The following CYRIA variants were observed in gnomAD, a reference collection of about 807,000 sequenced individuals.
CYRIA encodes the protein CYFIP-related Rac1 interactor A.
In CYRIA, 15 loss-of-function variants were observed where a neutral mutation model predicts 43.9. The ratio of observed to expected loss-of-function variants is 0.34; its 90% CI spans 0.23 to 0.53. CYRIA has a LOEUF of 0.53. Ranked by LOEUF, CYRIA falls within the 20% of genes least tolerant of loss-of-function variation. The probability of loss-of-function intolerance (pLI) is 0.94; values close to 1 mark genes in which losing one functional copy is unlikely to be tolerated. For synonymous variants in CYRIA, 117 were observed against 136.0 expected, an observed-to-expected ratio of 0.86 and a Z score of 0.97; for missense variants, 236 against 394.2, an observed-to-expected ratio of 0.60 and a Z score of 3.40.
At chr2:16,643,021 T>C (rs1302076645) in intron 1 of CYRIA, among the ~76,000 whole-genome samples, 1 of 148,904 alleles carries the variant, frequency 6.7e-6, no homozygotes, top group East Asian at 1.9e-4. Context: ...TAGTATACTA[T>C]ATATAATAAT....
chr2:16,582,683 C>G (rs11096647), intron 3 of CYRIA, among the ~76,000 whole-genome samples: 79,333 of 152,130 alleles, frequency 0.52, 23,328 homozygotes, highest in African/African-American at 0.8. Context: ...GTCATATCAC[C>G]TATCAGTACT....
intron 1 of CYRIA, among the ~76,000 whole-genome samples, chr2:16,629,044 C>T (rs1008787332): frequency 1.3e-5 from 2 of 152,146 alleles, no homozygotes; most frequent in Non-Finnish European, 2.9e-5. Flanking sequence ...GCCTGTCCCT[C>T]AAGAGTGAGG....
chr2:16,613,088 C>T (rs989564505), intron 2 of CYRIA, among the ~76,000 whole-genome samples: 2 of 152,350 alleles, frequency 1.3e-5, no homozygotes, highest in Non-Finnish European at 2.9e-5. Flanking sequence ...AATTAAACCT[C>T]TTTCCTTTGT....
Position 16,657,034 on chromosome 2 carries a change from C to A in CYRIA, c.-167+8746G>T, listed in dbSNP as rs201710974. Among the ~76,000 whole-genome samples, 55 of 152,336 alleles carry A rather than the reference C, an allele frequency of 3.6e-4. 1 individual carries two copies. In the East Asian group the frequency reaches 9.3e-3, roughly 26 times the overall value. ...GGGCTGGCAGAAGTTACCAGTACAG[C>A]CAGACAGACAGCTCAGTGCTTCCCA... On this transcript the variant is annotated intron_variant, in intron 1 of 11. Coordinates refer to ENST00000381323, the MANE Select transcript of CYRIA (RefSeq NM_030797.4).
chr2:16,615,558 T>C (rs1346517408), intron 2 of CYRIA, among the ~76,000 whole-genome samples: 8 of 152,144 alleles, frequency 5.3e-5, no homozygotes, highest in Admixed American at 5.2e-4. Context: ...CTTCACTCTT[T>C]CTACAACCAA....
chr2:16,578,270 G>A (rs1311302446), intron 3 of CYRIA, among the ~76,000 whole-genome samples: 1 of 152,138 alleles, frequency 6.6e-6, no homozygotes, highest in African/African-American at 2.4e-5. Context: ...CAGAAGAAAA[G>A]GCATGTGATT....
chr2:16,610,812 A>C (rs572102984), intron 2 of CYRIA, among the ~76,000 whole-genome samples: 1 of 148,560 alleles, frequency 6.7e-6, no homozygotes, highest in Non-Finnish European at 1.5e-5. Context: ...ATTTTATTCA[A>C]TTCTGCTGAT....
chr2:16,637,281 C>T (rs1669527139), intron 1 of CYRIA, among the ~76,000 whole-genome samples: 1 of 152,188 alleles, frequency 6.6e-6, no homozygotes, highest in African/African-American at 2.4e-5. Flanking sequence ...CCCCTAAATT[C>T]ATAGGTTGGA....
intron 1 of CYRIA, among the ~76,000 whole-genome samples, chr2:16,638,606 G>A (rs989648692): frequency 6.6e-6 from 1 of 152,172 alleles, no homozygotes; most frequent in Admixed American, 6.5e-5. Flanking sequence ...GAAATTGATG[G>A]GTTGGACTGG....
chr2:16,570,554 T>C (rs1667093016), intron 3 of CYRIA, among the ~76,000 whole-genome samples: 1 of 152,180 alleles, frequency 6.6e-6, no homozygotes, highest in African/African-American at 2.4e-5. Context: ...ATTCAAGTGG[T>C]GAACATGTTT....
At chr2:16,561,136 C>T (rs1408030677) in intron 8 of CYRIA, 25 bp downstream of exon 8, 1 of 1,609,934 alleles carries the variant, frequency 6.2e-7, no homozygotes, top group Non-Finnish European at 8.5e-7. Flanking sequence ...AGGAAAAAAG[C>T]ACCTCGTTGC....
intron 11 of CYRIA, among the ~76,000 whole-genome samples, chr2:16,554,101 T>C (rs1382356156): frequency 1.3e-5 from 2 of 152,144 alleles, no homozygotes; most frequent in African/African-American, 4.8e-5. Context: ...AGATCACCCT[T>C]ACCTCTCTGA....
chr2:16,582,801 A>G (rs973461932), intron 3 of CYRIA, among the ~76,000 whole-genome samples: 2 of 152,216 alleles, frequency 1.3e-5, no homozygotes, highest in Non-Finnish European at 2.9e-5. Flanking sequence ...CAGCTATTAT[A>G]AATAATGCTG....
chr2:16,582,486 G>T (rs145368653), intron 3 of CYRIA, among the ~76,000 whole-genome samples: 3 of 152,082 alleles, frequency 2.0e-5, no homozygotes, highest in Non-Finnish European at 4.4e-5. Context: ...CCAAAAAGAC[G>T]TTGTGCCCAT....
Position 16,655,302 on chromosome 2 carries a change from C to T in CYRIA, c.-167+10478G>A, listed in dbSNP as rs181992419. Among the ~76,000 whole-genome samples, 208 of 152,252 alleles carry T rather than the reference C, an allele frequency of 1.4e-3. 3 individuals carry two copies. The highest frequency in any genetic ancestry group is 4.7e-3 in the African/African-American group (194 of 41,544). On this transcript the variant is annotated intron_variant, in intron 1 of 11. Transcript: ENST00000381323. Reference sequence around the variant, plus strand: ...GGGCCTAGTGTGTGGGCTTGCCTCACCAACCCAGGAATGGCTTTAGACTTC... The same window carrying T: ...GGGCCTAGTGTGTGGGCTTGCCTCATCAACCCAGGAATGGCTTTAGACTTC...
At chr2:16,615,193 A>T (rs1668737983) in intron 2 of CYRIA, among the ~76,000 whole-genome samples, 1 of 152,232 alleles carries the variant, frequency 6.6e-6, no homozygotes, top group African/African-American at 2.4e-5. Flanking sequence ...CCACCTCAGA[A>T]CTGCTGAACG....
At chr2:16,659,178 G>C (rs566625614) in intron 1 of CYRIA, among the ~76,000 whole-genome samples, 1 of 152,180 alleles carries the variant, frequency 6.6e-6, no homozygotes. Flanking sequence ...CCAGCTCTTT[G>C]AGATGAGTGT....
At chr2:16,560,874 T>A in intron 9 of CYRIA, 116 bp downstream of exon 9, 1 of 866,362 alleles carries the variant, frequency 1.2e-6, no homozygotes. Flanking sequence ...AAGCAGATAA[T>A]ATACATGAAA....
At chr2:16,587,957 A>T in intron 3 of CYRIA, 93 bp downstream of exon 3, 1 of 787,270 alleles carries the variant, frequency 1.3e-6, no homozygotes, top group South Asian at 1.9e-5. Flanking sequence ...GATTTGATTC[A>T]ACTATGATAT....
Sources: allele counts gnomAD v4.1 joint callset (sites outside exome capture counted in the v4.1 genomes callset), GRCh38; gene constraint gnomAD v4.1.1; transcripts MANE v1.5; gene names NCBI Gene and HGNC (gene_info 2026-07-23, HGNC 2026-07-21).